The following SLITRK6 variants were observed in gnomAD, a reference collection of about 807,000 sequenced individuals.
SLITRK6 encodes the protein SLIT and NTRK-like protein 6.
SLITRK6 carries 35 observed loss-of-function variants against 55.6 expected under a neutral mutation model. The ratio of observed to expected loss-of-function variants is 0.63; its 90% CI spans 0.48 to 0.83. The LOEUF (loss-of-function observed/expected upper bound fraction) is 0.83, where lower values mean the gene tolerates loss of function less well. Ranked by LOEUF, SLITRK6 falls within the 40% of genes least tolerant of loss-of-function variation. The probability of loss-of-function intolerance (pLI) is 0.00; values close to 1 mark genes in which losing one functional copy is unlikely to be tolerated. For synonymous variants in SLITRK6, 392 were observed against 359.6 expected (o/e 1.09, Z -1.02); for missense variants, 977 against 986.4 (o/e 0.99, Z 0.13).
Position 85,794,457 on chromosome 13 carries a change from G to T in SLITRK6, c.2052C>A (p.Ser684Arg). ...SASLYEQHMV[S>R]PMVHVYRSPS... The stretch of plus-strand genomic sequence containing the variant: ...GACTTCTATAGACATGAACCATGGG[G>T]CTCACCATGTGCTGTTCATAGAGTG... Residue 684 changes from serine (S) to arginine (R), a missense_variant, in exon 2 of 2, where the codon AGC becomes AGA. Transcript: ENST00000647374. The T allele has an allele frequency of 6.2e-7, 1 of 1,613,246 alleles. No homozygotes were observed. Among genetic ancestry groups the T allele is most frequent in the Non-Finnish European group, 8.5e-7 (1 of 1,179,516 alleles).
rs200397430 is a variant in SLITRK6 at position 85,793,962 on chromosome 13, G to C, written c.*21C>G. 8 of 1,559,460 alleles carry C rather than the reference G, an allele frequency of 5.1e-6. No homozygotes were observed. The highest frequency in any genetic ancestry group is 6.1e-6 in the Non-Finnish European group (7 of 1,156,444). On this transcript the variant is annotated 3_prime_UTR_variant, in exon 2 of 2. Transcript: ENST00000647374. The stretch of plus-strand genomic sequence containing the variant: ...TAAAACAGAATCACAGCATTTCTGC[G>C]AAAGCCCTCAAACTCTCCATCTATG...
rs762469899 is a variant in SLITRK6, at chr13:85,796,075, TTA to T, written c.432_433del (p.Asp144GlufsTer8). On this transcript the variant is annotated frameshift_variant, in exon 2 of 2. Transcript: ENST00000647374. LOFTEE classifies it high-confidence loss of function. ...TGGTTCAATCACTGTGATAAAATTG[TTA>T]TCTGCTTGCAGGAATTCCAGGTTTT... The T allele has an allele frequency of 5.0e-6, 8 of 1,612,822 alleles. No homozygotes were observed. The Admixed American group carries it at 6.7e-5, about 13-fold the overall frequency.
rs190027458 is a variant in SLITRK6, at chr13:85,795,052, T to G, written c.1457A>C (p.Lys486Thr). ...PHIFSGVPLT[K>T]VNLKTNQFTH... ...AAACTGGTTTGTTTTAAGATTTACCTTAGTTAGAGGAACCCCTGAAAAAAT... is the reference window on the plus strand; with the variant it reads ...AAACTGGTTTGTTTTAAGATTTACCGTAGTTAGAGGAACCCCTGAAAAAAT... Residue 486 changes from lysine (K) to threonine (T), a missense_variant, in exon 2 of 2, where the codon AAG becomes ACG. By Grantham distance (78) the Lys-to-Thr change is moderately conservative (BLOSUM62 -1). Transcript: ENST00000647374. 8 of 1,612,992 alleles carry G rather than the reference T, an allele frequency of 5.0e-6. No homozygotes were observed. In the Admixed American group the frequency reaches 5.0e-5, roughly 10 times the overall value.
Position 85,794,985 on chromosome 13 carries a change from C to T in SLITRK6, c.1524G>A (p.Leu508=), listed in dbSNP as rs3825413. ...PVSNILDDLD[L]LTQIDLEDNP... The stretch of plus-strand genomic sequence containing the variant: ...TATCCTCAAGGTCAATCTGGGTTAG[C>T]AAATCAAGATCATCCAAAATATTAC... Residue 508 remains leucine (L), a synonymous_variant, in exon 2 of 2, where the codon TTG becomes TTA. Transcript: ENST00000647374. 1,181,124 of 1,612,670 alleles carry T rather than the reference C, an allele frequency of 0.73. 435,245 individuals carry two copies. Among genetic ancestry groups the T allele is most frequent in the African/African-American group, 0.86 (64,056 of 74,882 alleles).
rs1237608686 is a variant in SLITRK6, at chr13:85,795,078, A to G, written c.1431T>C (p.His477=). The G allele has an allele frequency of 6.2e-7, 1 of 1,613,046 alleles. No homozygotes were observed. The highest frequency in any genetic ancestry group is 1.3e-5 in the African/African-American group (1 of 74,960). The change falls in exon 2 of 2, where the codon CAT becomes CAC. Residue 477 remains histidine (H), a synonymous_variant. Coordinates refer to ENST00000647374, the MANE Select transcript of SLITRK6 (RefSeq NM_032229.3). ...TAGTTAGAGGAACCCCTGAAAAAAT[A>G]TGTGGTGGTAAAACTTGGAGGAGGT... ...NNNLLQVLPP[H]IFSGVPLTKV...
Position 85,796,472 on chromosome 13 carries a change from G to A in SLITRK6, c.37C>T (p.Leu13Phe), listed in dbSNP as rs1482288378. Residue 13 changes from leucine to phenylalanine, a missense_variant, in exon 2 of 2, where the codon CTT (leucine) becomes TTT (phenylalanine). Leu to Phe is a conservative substitution (Grantham distance 22). Transcript: ENST00000647374. ...LWIHLFYSSL[L>F]ACISLHSQTP... is the part of the protein sequence containing the mutation. ...TGGGAGTGTAAAGATATACAGGCAA[G>A]GAGAGATGAATAAAAGAGATGAATC... 3 of 1,571,514 alleles carry A rather than the reference G, an allele frequency of 1.9e-6. No individual in the cohort carries two copies. The Admixed American group carries it at 6.1e-5, about 32-fold the overall frequency.
chr13:85,797,415 A>G (rs1040918365), intron 1 of SLITRK6, among the ~76,000 whole-genome samples: 1 of 151,750 alleles, frequency 6.6e-6, no homozygotes, highest in Non-Finnish European at 1.5e-5. Flanking sequence ...TGAGGTGGAA[A>G]TGATAAAAAC....
intron 1 of SLITRK6, among the ~76,000 whole-genome samples, chr13:85,797,503 G>A (rs1593964306): frequency 6.6e-6 from 1 of 151,698 alleles, no homozygotes; most frequent in Admixed American, 6.6e-5. Flanking sequence ...TAAACTTCTA[G>A]CAAATGACTT....
At position 85,795,483 on chromosome 13, in the gene SLITRK6, T is replaced by A. The variant is rs1874686506; in HGVS notation, c.1026A>T (p.Gly342=). ...PCNCKVLSPS[G]LLIHCQERNI... is the part of the protein sequence containing the mutation. ...TGCGCTCCTGACAATGTATTAGAAG[T>A]CCTGATGGGGATAGGACTTTGCAGT... is the stretch of plus-strand genomic sequence containing the variant. The change falls in exon 2 of 2, where the codon GGA becomes GGT. Residue 342 remains glycine, a synonymous_variant. Coordinates refer to ENST00000647374, the MANE Select transcript of SLITRK6 (RefSeq NM_032229.3). 6.2e-7 allele frequency: 1 copy of A among 1,613,060 alleles called. No homozygotes were observed. Among genetic ancestry groups the A allele is most frequent in the Non-Finnish European group, 8.5e-7 (1 of 1,179,434 alleles).
chr13:85,795,825 C>T lies in SLITRK6; in HGVS notation c.684G>A (p.Gln228=). Reference sequence around the variant, plus strand: ...GCATGTTCTCCAACCAAGTTTTTAACTGCAATAAGTCACAATTGCAGGCCC... The same window carrying T: ...GCATGTTCTCCAACCAAGTTTTTAATTGCAATAAGTCACAATTGCAGGCCC... ...NKWACNCDLL[Q]LKTWLENMPP... Residue 228 remains glutamine (Q), a synonymous_variant, in exon 2 of 2, where the codon CAG becomes CAA. Coordinates refer to ENST00000647374, the MANE Select transcript of SLITRK6 (RefSeq NM_032229.3). The T allele has an allele frequency of 6.2e-7, 1 of 1,612,980 alleles. No homozygotes were observed. The highest frequency in any genetic ancestry group is 8.5e-7 in the Non-Finnish European group (1 of 1,179,442).
rs1874800968 is a variant in SLITRK6 at position 85,798,922 on chromosome 13, C to G, written c.-33G>C. On this transcript the variant is annotated 5_prime_UTR_variant, in exon 1 of 2. Coordinates refer to ENST00000647374, the MANE Select transcript of SLITRK6 (RefSeq NM_032229.3). ...GGAAACATTCATCTTACCTGTAAAG[C>G]AGAGACTCTTCCTGACGTTATCTGT... 6.6e-6 allele frequency: 1 copy of G among 151,788 alleles called. No homozygotes were observed. Among genetic ancestry groups the G allele is most frequent in the Non-Finnish European group, 1.5e-5 (1 of 67,956 alleles). The allele number at this position is 151,788 out of a possible 1,614,324, so 9.4% of individuals were successfully genotyped here.
At position 85,793,909 on chromosome 13, in the gene SLITRK6, T is replaced by C; in HGVS notation, c.*74A>G. 6.7e-7 allele frequency: 1 copy of C among 1,499,154 alleles called. No homozygotes were observed. The highest frequency in any genetic ancestry group is 8.9e-7 in the Non-Finnish European group (1 of 1,121,066). 92.9% of individuals were successfully genotyped at this position (1,499,154 alleles called of 1,614,324 possible). A position where few individuals can be genotyped will look rare whatever the true frequency, so the allele number is the denominator to read the frequency against. ...GGTTCTGATTGATGACACACTCACG[T>C]AAGGCACTTATTTACAAGGTATGGA... On this transcript the variant is annotated 3_prime_UTR_variant, in exon 2 of 2. Transcript: ENST00000647374.
Position 85,794,984 on chromosome 13 carries a change from G to T in SLITRK6, c.1525C>A (p.Leu509Ile). Reference sequence around the variant, plus strand: ...TTATCCTCAAGGTCAATCTGGGTTAGCAAATCAAGATCATCCAAAATATTA... The same window carrying T: ...TTATCCTCAAGGTCAATCTGGGTTATCAAATCAAGATCATCCAAAATATTA... ...VSNILDDLDLLTQIDLEDNPW... is the reference protein window; with the variant it reads ...VSNILDDLDLITQIDLEDNPW... The change falls in exon 2 of 2, where the codon CTA (leucine) becomes ATA (isoleucine). Residue 509 changes from leucine to isoleucine, a missense_variant. By Grantham distance (5) the Leu-to-Ile change is conservative (BLOSUM62 2). Transcript: ENST00000647374. 1 of 1,613,090 alleles carries T rather than the reference G, an allele frequency of 6.2e-7. No homozygotes were observed. The highest frequency in any genetic ancestry group is 8.5e-7 in the Non-Finnish European group (1 of 1,179,476).
intron 1 of SLITRK6, among the ~76,000 whole-genome samples, chr13:85,797,168 T>TATATAC (rs1208498830): frequency 4.0e-5 from 6 of 149,910 alleles, no homozygotes; most frequent in African/African-American, 7.3e-5. Flanking sequence ...TATATATATA[T>TATATAC]ACTAATTTTA....
rs410729 is a variant in SLITRK6 at position 85,799,321 on chromosome 13, A to G, written c.-432T>C. The G allele has an allele frequency of 0.8, 121,438 of 152,002 alleles. 48,587 individuals are homozygous for G. Among genetic ancestry groups the G allele is most frequent in the South Asian group, 0.84 (4,052 of 4,820 alleles). 9.4% of individuals were successfully genotyped at this position (152,002 alleles called of 1,614,324 possible). On this transcript the variant is annotated 5_prime_UTR_variant, in exon 1 of 2. Transcript: ENST00000647374. ...CTTTCTTAGGTTGTAGATCCAAGCT[A>G]CAGCAATGTTCTCCTTCCTCCTTTT... is the stretch of plus-strand genomic sequence containing the variant.
Position 85,793,303 on chromosome 13 carries a change from A to G in SLITRK6, c.*680T>C, listed in dbSNP as rs1176992726. Reference sequence around the variant, plus strand: ...CTACACAAAATGTGTAGAAAACCCAAAAAGTATGCTTATTTCTTCCACCTG... The same window carrying G: ...CTACACAAAATGTGTAGAAAACCCAGAAAGTATGCTTATTTCTTCCACCTG... On this transcript the variant is annotated 3_prime_UTR_variant, in exon 2 of 2. Transcript: ENST00000647374. 2 of 152,128 alleles carry G rather than the reference A, an allele frequency of 1.3e-5. No homozygotes were observed. Among genetic ancestry groups the G allele is most frequent in the African/African-American group, 4.8e-5 (2 of 41,404 alleles). The allele number at this position is 152,128 out of a possible 1,614,324, so 9.4% of individuals were successfully genotyped here.
chr13:85,796,566 G>C, intron 1 of SLITRK6, 34 bp from the exon 2 acceptor site: 1 of 1,468,848 alleles, frequency 6.8e-7, no homozygotes, highest in Non-Finnish European at 9.0e-7. Flanking sequence ...AGGGACTTTA[G>C]TGGGCAGAAC....
At position 85,795,105 on chromosome 13, in the gene SLITRK6, G is replaced by T; in HGVS notation, c.1404C>A (p.Asn468Lys). 6.2e-7 allele frequency: 1 copy of T among 1,612,970 alleles called. No individual in the cohort carries two copies. The highest frequency in any genetic ancestry group is 8.5e-7 in the Non-Finnish European group (1 of 1,179,362). ...MPKLKVLYLN[N>K]NLLQVLPPHI... is the part of the protein sequence containing the mutation. Reference sequence around the variant, plus strand: ...GTGGTGGTAAAACTTGGAGGAGGTTGTTATTTAAATACAGGACTTTAAGTT... The same window carrying T: ...GTGGTGGTAAAACTTGGAGGAGGTTTTTATTTAAATACAGGACTTTAAGTT... The change falls in exon 2 of 2, where the codon AAC becomes AAA. Residue 468 changes from asparagine to lysine, a missense_variant. Transcript: ENST00000647374.
At position 85,794,505 on chromosome 13, in the gene SLITRK6, G is replaced by A. The variant is rs1164955143; in HGVS notation, c.2004C>T (p.His668=). ...YSMYGHKTTH[H]TTERPSASLY... ...GTGAGGCAGAGGGTCTTTCAGTAGTGTGATGAGTGGTTTTATGGCCATACA... is the reference window on the plus strand; with the variant it reads ...GTGAGGCAGAGGGTCTTTCAGTAGTATGATGAGTGGTTTTATGGCCATACA... The change falls in exon 2 of 2, where the codon CAC becomes CAT. Residue 668 remains histidine, a synonymous_variant. Coordinates refer to ENST00000647374, the MANE Select transcript of SLITRK6 (RefSeq NM_032229.3). The A allele has an allele frequency of 1.2e-6, 2 of 1,613,310 alleles. No individual in the cohort carries two copies. Among genetic ancestry groups the A allele is most frequent in the Admixed American group, 1.7e-5 (1 of 59,864 alleles).
Sources: gnomAD v4.1 joint callset for allele counts (sites outside exome capture counted in the v4.1 genomes callset) on GRCh38, gnomAD v4.1.1 for gene constraint, MANE v1.5 for transcripts, NCBI Gene and HGNC (gene_info 2026-07-23, HGNC 2026-07-21) for gene names.